ACTR3B: variants seen among roughly 807,000 people sequenced by gnomAD.
ACTR3B encodes the protein actin-related protein 3B.
ACTR3B carries 8 observed loss-of-function variants against 59.0 expected under a neutral mutation model. The observed-to-expected ratio is 0.14, with a 90% CI of 0.08 to 0.24. The LOEUF (loss-of-function observed/expected upper bound fraction) is 0.24, where lower values mean the gene tolerates loss of function less well. ACTR3B is among the 10% of genes least tolerant of loss of function. The probability of loss-of-function intolerance (pLI) is 1.00; values close to 1 mark genes in which losing one functional copy is unlikely to be tolerated. For synonymous variants in ACTR3B, 148 were observed against 197.9 expected, an observed-to-expected ratio of 0.75 and a Z score of 2.12; for missense variants, 245 against 552.3, an observed-to-expected ratio of 0.44 and a Z score of 5.58.
At chr7:152,778,969 A>T in intron 1 of ACTR3B, among the ~76,000 whole-genome samples, 2 of 109,202 alleles carry the variant, frequency 1.8e-5, no homozygotes, top group Non-Finnish European at 4.2e-5. Flanking sequence ...AAAAAAAAAA[A>T]AAAAAAAAAA....
Position 152,836,869 on chromosome 7 carries a change from G to A in ACTR3B, c.951+11747G>A, listed in dbSNP as rs562065449. Reference sequence around the variant, plus strand: ...AAAATGTTTACTTACTCTTCCTTGTGGAAATTGATTAAGAATGCAGGCCGG... The same window carrying A: ...AAAATGTTTACTTACTCTTCCTTGTAGAAATTGATTAAGAATGCAGGCCGG... On this transcript the variant is annotated intron_variant, in intron 9 of 11. Coordinates refer to ENST00000256001, the MANE Select transcript of ACTR3B (RefSeq NM_020445.6). Among the ~76,000 whole-genome samples the A allele has an allele frequency of 2.6e-5, 4 of 152,210 alleles. No individual in the cohort carries two copies. The East Asian group carries it at 7.7e-4, about 29-fold the overall frequency.
chr7:152,786,726 C>G (rs1250422664), intron 2 of ACTR3B, among the ~76,000 whole-genome samples: 4 of 151,884 alleles, frequency 2.6e-5, no homozygotes, highest in Admixed American at 6.6e-5. Context: ...TCTTTTCTTT[C>G]CTCTGGTGGA....
In ACTR3B at chr7:152,854,236, T is replaced by G. The variant is rs1180519011; in HGVS notation, c.1162-222T>G. Among the ~76,000 whole-genome samples the G allele has an allele frequency of 6.6e-6, 1 of 152,152 alleles. No homozygotes were observed. Among genetic ancestry groups the G allele is most frequent in the Non-Finnish European group, 1.5e-5 (1 of 68,026 alleles). ...ACACATTGTTAGTGGGGGACCGGCATTTGGTTGGTCCTAAGAAGATACAGG... is the reference window on the plus strand; with the variant it reads ...ACACATTGTTAGTGGGGGACCGGCAGTTGGTTGGTCCTAAGAAGATACAGG... On this transcript the variant is annotated intron_variant, in intron 11 of 11. Transcript: ENST00000256001. This position sits in a 1 kb window ranked among gnomAD's most constrained non-coding sequence, Gnocchi z 4.9.
intron 2 of ACTR3B, among the ~76,000 whole-genome samples, chr7:152,796,141 G>A (rs912913713): frequency 2.0e-5 from 3 of 152,156 alleles, no homozygotes; most frequent in African/African-American, 7.2e-5. Flanking sequence ...CACCGCGCCC[G>A]GCCTTAGCAG....
chr7:152,835,504 T>G (rs1483567872), intron 9 of ACTR3B, among the ~76,000 whole-genome samples: 2 of 152,226 alleles, frequency 1.3e-5, no homozygotes, highest in Non-Finnish European at 2.9e-5. Context: ...AAAAAACCAG[T>G]GTACATACCT....
At position 152,759,787 on chromosome 7, in the gene ACTR3B, C is replaced by G; in HGVS notation, c.-96C>G. 1.0e-6 allele frequency: 1 copy of G among 1,000,192 alleles called. No homozygotes were observed. The highest frequency in any genetic ancestry group is 5.1e-5 in the East Asian group (1 of 19,572). 62.0% of individuals were successfully genotyped at this position (1,000,192 alleles called of 1,614,324 possible). A position where few individuals can be genotyped will look rare whatever the true frequency, so the allele number is the denominator to read the frequency against. On this transcript the variant is annotated 5_prime_UTR_variant, in exon 1 of 12. Coordinates refer to ENST00000256001, the MANE Select transcript of ACTR3B (RefSeq NM_020445.6). ...CCGGCAGCGGCGCTGCGGCGGCTCG[C>G]GGGAGACGCTGCGCGCGGGGCTAGC...
chr7:152,851,264 C>T (rs1288055184), intron 9 of ACTR3B, among the ~76,000 whole-genome samples: 1 of 152,212 alleles, frequency 6.6e-6, no homozygotes, highest in East Asian at 1.9e-4. Flanking sequence ...CTCTGTCTGT[C>T]TAAAAATACC....
intron 1 of ACTR3B, among the ~76,000 whole-genome samples, chr7:152,766,372 T>C (rs1267008345): frequency 6.6e-6 from 1 of 152,196 alleles, no homozygotes; most frequent in Admixed American, 6.5e-5. Context: ...AGGCACCCTG[T>C]GCATAGCACG....
intron 1 of ACTR3B, among the ~76,000 whole-genome samples, chr7:152,760,321 A>G (rs531644486): frequency 1.3e-5 from 2 of 152,258 alleles, no homozygotes; most frequent in South Asian, 2.1e-4. Flanking sequence ...AGCGTGAGGC[A>G]CAGATCATCA....
At chr7:152,781,240 A>G (rs1020477695) in intron 1 of ACTR3B, among the ~76,000 whole-genome samples, 3 of 118,390 alleles carry the variant, frequency 2.5e-5, no homozygotes, top group Non-Finnish European at 5.0e-5. Flanking sequence ...CACATAGACC[A>G]CTGCTCCTCT....
At chr7:152,818,109 C>T (rs1301201540) in intron 6 of ACTR3B, among the ~76,000 whole-genome samples, 5 of 152,328 alleles carry the variant, frequency 3.3e-5, no homozygotes, top group Non-Finnish European at 5.9e-5. Flanking sequence ...AGAGCACTCA[C>T]GGAGAACTCA....
chr7:152,832,946 G>A (rs1361855761), intron 9 of ACTR3B, among the ~76,000 whole-genome samples: 2 of 152,150 alleles, frequency 1.3e-5, no homozygotes, highest in South Asian at 2.1e-4. Context: ...TAAATCACTG[G>A]GTGCTGTGCC....
At chr7:152,836,322 G>A (rs1253885319) in intron 9 of ACTR3B, among the ~76,000 whole-genome samples, 1 of 151,838 alleles carries the variant, frequency 6.6e-6, no homozygotes, top group African/African-American at 2.4e-5. Context: ...TAAGCTGGGT[G>A]CAGGGGCTCA....
intron 4 of ACTR3B, among the ~76,000 whole-genome samples, chr7:152,804,578 G>A (rs2098246598): frequency 6.6e-6 from 1 of 152,158 alleles, no homozygotes; most frequent in African/African-American, 2.4e-5. Context: ...GAGGGCGTAG[G>A]GTGAGAATGG....
intron 9 of ACTR3B, among the ~76,000 whole-genome samples, chr7:152,848,725 G>T (rs1001532504): frequency 6.6e-6 from 1 of 152,146 alleles, no homozygotes; most frequent in African/African-American, 2.4e-5. Flanking sequence ...TTGATATTAT[G>T]GTAACTAGGT....
At chr7:152,843,027 A>T (rs111889453) in intron 9 of ACTR3B, among the ~76,000 whole-genome samples, 5 of 152,144 alleles carry the variant, frequency 3.3e-5, no homozygotes, top group African/African-American at 1.2e-4. Flanking sequence ...CTTTTGCCCA[A>T]TTTTAACTGA....
chr7:152,822,591 A>C (rs2116865275), intron 7 of ACTR3B, among the ~76,000 whole-genome samples: 1 of 152,186 alleles, frequency 6.6e-6, no homozygotes, highest in South Asian at 2.1e-4. Context: ...TCACTTTATA[A>C]CCTACCATGT....
intron 8 of ACTR3B, 22 bp downstream of exon 8, chr7:152,823,537 G>A (rs201809554): frequency 6.2e-7 from 1 of 1,611,922 alleles, no homozygotes; most frequent in South Asian, 1.1e-5. Flanking sequence ...CCTTTTTTGT[G>A]TGCTCAAGTG....
At chr7:152,834,063 A>C (rs1797241904) in intron 9 of ACTR3B, among the ~76,000 whole-genome samples, 1 of 151,554 alleles carries the variant, frequency 6.6e-6, no homozygotes, top group African/African-American at 2.4e-5. Context: ...CCAATCTAAA[A>C]TTCATGTTCA....
Sources: gnomAD v4.1 joint callset for allele counts (sites outside exome capture counted in the v4.1 genomes callset) on GRCh38, gnomAD v4.1.1 for gene constraint, Gnocchi (gnomAD v3.1) non-coding constraint, MANE v1.5 for transcripts, NCBI Gene and HGNC (gene_info 2026-07-23, HGNC 2026-07-21) for gene names.